Variants in KCNJ12 observed in about 807,000 individuals in gnomAD.
The protein encoded by KCNJ12 is potassium inwardly rectifying channel subfamily J member 12.
A neutral mutation model predicts 22.3 loss-of-function variants in KCNJ12; 2 were observed. That is an observed-to-expected ratio of 0.09 (90% CI 0.04 to 0.28). KCNJ12 has a LOEUF of 0.28. Ranked by LOEUF, KCNJ12 falls within the 10% of genes least tolerant of loss-of-function variation. The pLI, the probability that KCNJ12 is intolerant of heterozygous loss-of-function variation, is 1.00. For synonymous variants in KCNJ12, 117 were observed against 261.4 expected (o/e 0.45, Z 5.33); for missense variants, 155 against 633.3 (o/e 0.24, Z 8.11).
intron 2 of KCNJ12, among the ~76,000 whole-genome samples, chr17:21,409,332 G>A (rs1282637729): frequency 6.6e-6 from 1 of 152,310 alleles, no homozygotes; most frequent in Admixed American, 6.5e-5. Flanking sequence ...TTGGTGTGGG[G>A]CATCCAGGAG....
At chr17:21,409,047 C>G (rs1301177427) in intron 2 of KCNJ12, among the ~76,000 whole-genome samples, 1 of 152,312 alleles carries the variant, frequency 6.6e-6, no homozygotes, top group Non-Finnish European at 1.5e-5. Flanking sequence ...CTGCTTAGTC[C>G]TTCACCCTTC....
intron 1 of KCNJ12, among the ~76,000 whole-genome samples, chr17:21,405,611 C>T (rs1277648387): frequency 2.0e-5 from 3 of 152,284 alleles, no homozygotes; most frequent in Non-Finnish European, 4.4e-5. Flanking sequence ...AGCCTCAGCC[C>T]AGGCCCTGCC....
At chr17:21,384,374 TC>T (rs1188566116) in intron 1 of KCNJ12, among the ~76,000 whole-genome samples, 11 of 152,100 alleles carry the variant, frequency 7.2e-5, no homozygotes, top group Admixed American at 5.9e-4. Flanking sequence ...GAGACAGAGA[TC>T]CTGGATTGCA....
At chr17:21,385,985 G>T (rs1484842631) in intron 1 of KCNJ12, among the ~76,000 whole-genome samples, 1 of 152,238 alleles carries the variant, frequency 6.6e-6, no homozygotes, top group Non-Finnish European at 1.5e-5. Context: ...AAGGAGCACT[G>T]GGGCAGGAGT....
chr17:21,401,378 T>C (rs1905615996), intron 1 of KCNJ12, among the ~76,000 whole-genome samples: 1 of 152,204 alleles, frequency 6.6e-6, no homozygotes, highest in Non-Finnish European at 1.5e-5. Flanking sequence ...GCAGAGAGGA[T>C]TTCCCATCAC....
intron 2 of KCNJ12, among the ~76,000 whole-genome samples, chr17:21,412,398 T>C (rs1442902789): frequency 6.6e-6 from 1 of 152,308 alleles, no homozygotes; most frequent in African/African-American, 2.4e-5. Context: ...CAGACCGGGC[T>C]CTCTGGCCTT....
chr17:21,415,217 G>A, intron 2 of KCNJ12, 70 bp from the exon 3 acceptor site: 1 of 1,457,542 alleles, frequency 6.9e-7, no homozygotes, highest in Non-Finnish European at 9.3e-7. Context: ...CACGTCTGGG[G>A]GCCCTGGGAT....
Position 21,399,864 on chromosome 17 carries a change from T to C in KCNJ12, c.-178-8655T>C, listed in dbSNP as rs141621559. Among the ~76,000 whole-genome samples, 573 of 152,318 alleles carry C rather than the reference T, an allele frequency of 3.8e-3. 1 individual carries two copies. Among genetic ancestry groups the C allele is most frequent in the Non-Finnish European group, 6.6e-3 (450 of 68,022 alleles). On this transcript the variant is annotated intron_variant, in intron 1 of 2. Transcript: ENST00000583088. ...TATCCGAGCCCCAGTTTCTTGCCTC[T>C]ATCAAAAGAAACTGGTGTGAATGGA...
In KCNJ12 at chr17:21,418,231, C is replaced by T. The variant is rs2142086512; in HGVS notation, c.*1587C>T. ...GAAAACCTGCTCTCTTCTAGTCGGG[C>T]TTCTCCAGAAGCCAGTAATCAGAAA... is the stretch of plus-strand genomic sequence containing the variant. On this transcript the variant is annotated 3_prime_UTR_variant, in exon 3 of 3. Transcript: ENST00000583088. 1 of 167,162 alleles carries T rather than the reference C, an allele frequency of 6.0e-6. No individual in the cohort carries two copies. The highest frequency in any genetic ancestry group is 1.9e-4 in the East Asian group (1 of 5,192). The allele number at this position is 167,162 out of a possible 1,614,324, so 10.4% of individuals were successfully genotyped here. A position where few individuals can be genotyped will look rare whatever the true frequency, so the allele number is the denominator to read the frequency against.
intron 1 of KCNJ12, among the ~76,000 whole-genome samples, chr17:21,396,616 G>A (rs782668323): frequency 1.3e-5 from 2 of 152,092 alleles, no homozygotes; most frequent in East Asian, 3.9e-4. Flanking sequence ...TATCAGCCCC[G>A]TGTTGATGGG....
At chr17:21,391,586 G>A (rs1365120882) in intron 1 of KCNJ12, among the ~76,000 whole-genome samples, 2 of 152,234 alleles carry the variant, frequency 1.3e-5, no homozygotes, top group African/African-American at 4.8e-5. Context: ...GCTCCGCCCA[G>A]CCCTCTTCCT....
At chr17:21,410,222 G>GA (rs1212595399) in intron 2 of KCNJ12, among the ~76,000 whole-genome samples, 3 of 152,232 alleles carry the variant, frequency 2.0e-5, no homozygotes, top group Admixed American at 1.3e-4. Flanking sequence ...TGCCATGAGG[G>GA]AGAGCCCCTA....
At chr17:21,407,258 A>G (rs1906004271) in intron 1 of KCNJ12, among the ~76,000 whole-genome samples, 1 of 151,834 alleles carries the variant, frequency 6.6e-6, no homozygotes. Flanking sequence ...CCATCCCTCT[A>G]TCCATTCATT....
At chr17:21,384,693 C>T (rs1183167368) in intron 1 of KCNJ12, among the ~76,000 whole-genome samples, 1 of 151,934 alleles carries the variant, frequency 6.6e-6, no homozygotes, top group Non-Finnish European at 1.5e-5. Context: ...ATCACTTGTT[C>T]CCTCACTGTC....
rs1434651569 is a variant in KCNJ12 at position 21,415,039 on chromosome 17, C to T, written c.-56-248C>T. ...GAAGGGGTCGGATCCTAAATAGACT[C>T]TTCAGAGCCCTCAGTGTGGGAGTGA... On this transcript the variant is annotated intron_variant, in intron 2 of 2. Transcript: ENST00000583088. 5.9e-5 allele frequency among the ~76,000 whole-genome samples: 9 copies of T among 152,392 alleles called. No individual in the cohort carries two copies. The East Asian group carries it at 1.7e-3, about 30-fold the overall frequency.
chr17:21,412,393 C>T (rs1158816334), intron 2 of KCNJ12, among the ~76,000 whole-genome samples: 11 of 152,418 alleles, frequency 7.2e-5, no homozygotes, highest in East Asian at 1.9e-4. Context: ...ACATGCAGAC[C>T]GGGCTCTCTG....
intron 1 of KCNJ12, among the ~76,000 whole-genome samples, chr17:21,391,751 G>A (rs1233912360): frequency 6.6e-6 from 1 of 152,202 alleles, no homozygotes; most frequent in Middle Eastern, 3.2e-3. Context: ...GGGTCTGTGG[G>A]CACCTGGATC....
At chr17:21,413,964 GGGCCCTC>G (rs1253483481) in intron 2 of KCNJ12, among the ~76,000 whole-genome samples, 13 of 152,358 alleles carry the variant, frequency 8.5e-5, no homozygotes, top group Non-Finnish European at 1.9e-4. Flanking sequence ...GGGCTGGGGA[GGGCCCTC>G]GGCTGAGGTC....
At chr17:21,393,326 A>G (rs1381403261) in intron 1 of KCNJ12, among the ~76,000 whole-genome samples, 1 of 152,134 alleles carries the variant, frequency 6.6e-6, no homozygotes, top group Non-Finnish European at 1.5e-5. Flanking sequence ...GGCAGCCCTC[A>G]GAGGCCCTGC....
Sources: allele counts gnomAD v4.1 joint callset (sites outside exome capture counted in the v4.1 genomes callset), GRCh38; gene constraint gnomAD v4.1.1; transcripts MANE v1.5; gene names NCBI Gene and HGNC (gene_info 2026-07-23, HGNC 2026-07-21).